AGAP1: variants seen among roughly 807,000 people sequenced by gnomAD.
AGAP1 encodes the protein ArfGAP with GTPase domain, ankyrin repeat and PH domain 1, also known as arf-GAP with GTPase, ANK repeat and PH domain-containing protein 1.
Under a neutral mutation model 105.3 loss-of-function variants are expected in AGAP1, and 29 were observed. The observed-to-expected ratio is 0.28, with a 90% CI of 0.21 to 0.38. The LOEUF (loss-of-function observed/expected upper bound fraction) is 0.38, where lower values mean the gene tolerates loss of function less well. AGAP1 is among the 10% of genes least tolerant of loss of function. The pLI, the probability that AGAP1 is intolerant of heterozygous loss-of-function variation, is 1.00. For missense variants in AGAP1, 998 were observed against 1,165.1 expected, an observed-to-expected ratio of 0.86 and a Z score of 2.09; for synonymous variants, 509 against 485.9, an observed-to-expected ratio of 1.05 and a Z score of -0.63.
chr2:235,572,175 T>G (rs1220513429), intron 1 of AGAP1, among the ~76,000 whole-genome samples: 1 of 151,706 alleles, frequency 6.6e-6, no homozygotes, highest in Non-Finnish European at 1.5e-5. Context: ...TGTTACCAGG[T>G]GGCATTACTG....
intron 6 of AGAP1, among the ~76,000 whole-genome samples, chr2:235,773,636 T>G (rs964729511): frequency 6.6e-6 from 1 of 152,202 alleles, no homozygotes; most frequent in African/African-American, 2.4e-5. Flanking sequence ...TCTGTTCTAC[T>G]ACCTCACTAT....
chr2:235,629,266 CA>C (rs1326159445), intron 1 of AGAP1, among the ~76,000 whole-genome samples: 44 of 133,616 alleles, frequency 3.3e-4, no homozygotes, highest in African/African-American at 1.2e-3. Context: ...GAGTAGTAGT[CA>C]TTGTGTGTGT....
At position 235,864,864 on chromosome 2, in the gene AGAP1, T is replaced by C. The variant is rs2049084525; in HGVS notation, c.1051-18481T>C. Reference sequence around the variant, plus strand: ...GCTTTTTTTCTGCCCATATTCAAAATTCCTTTGATTAGCATTTGGTTCTGG... The same window carrying C: ...GCTTTTTTTCTGCCCATATTCAAAACTCCTTTGATTAGCATTTGGTTCTGG... On this transcript the variant is annotated intron_variant, in intron 9 of 17. Transcript: ENST00000304032. The surrounding 1 kb of genome is among the most constrained non-coding windows in gnomAD (Gnocchi z 5.0). Among the ~76,000 whole-genome samples, 2 of 152,244 alleles carry C rather than the reference T, an allele frequency of 1.3e-5. No homozygotes were observed. The highest frequency in any genetic ancestry group is 2.9e-5 in the Non-Finnish European group (2 of 68,048).
rs1391650226 is a variant in AGAP1 at position 236,109,726 on chromosome 2, G to C, written c.2115-10466G>C. ...TGGATCCGAGCATCCCAGGGTAGCA[G>C]CTGCCAACCACATACTTATGTAAAG... On this transcript the variant is annotated intron_variant, in intron 16 of 17. Coordinates refer to ENST00000304032, the MANE Select transcript of AGAP1 (RefSeq NM_001037131.3). This position sits in a 1 kb window ranked among gnomAD's most constrained non-coding sequence, Gnocchi z 5.4. Among the ~76,000 whole-genome samples, 1 of 152,224 alleles carries C rather than the reference G, an allele frequency of 6.6e-6. No individual in the cohort carries two copies. The highest frequency in any genetic ancestry group is 1.5e-5 in the Non-Finnish European group (1 of 68,038).
In AGAP1 at chr2:236,121,130, GA is replaced by G. The variant is rs1360651511; in HGVS notation, c.2370+685del. Among the ~76,000 whole-genome samples the G allele has an allele frequency of 6.6e-6, 1 of 152,176 alleles. No homozygotes were observed. The highest frequency in any genetic ancestry group is 6.5e-5 in the Admixed American group (1 of 15,288). On this transcript the variant is annotated intron_variant, in intron 17 of 17. Coordinates refer to ENST00000304032, the MANE Select transcript of AGAP1 (RefSeq NM_001037131.3). The surrounding 1 kb of genome is among the most constrained non-coding windows in gnomAD (Gnocchi z 4.9). ...CCGGCAGGGAGGCTCCCCAGATAGG[GA>G]AGGCAAGTGTGTGCCCAGAAGTGGA...
rs2052628195 is a variant in AGAP1 at position 235,929,681 on chromosome 2, G to A, written c.1325-1084G>A. Among the ~76,000 whole-genome samples the A allele has an allele frequency of 2.0e-5, 3 of 152,044 alleles. No individual in the cohort carries two copies. The South Asian group carries it at 6.2e-4, about 32-fold the overall frequency. On this transcript the variant is annotated intron_variant, in intron 11 of 17. Coordinates refer to ENST00000304032, the MANE Select transcript of AGAP1 (RefSeq NM_001037131.3). ...GAGGGGAGACCTGGTTCCTGCCTCTGGCTTCTCATCCATATCACCGGAGTG... is the reference window on the plus strand; with the variant it reads ...GAGGGGAGACCTGGTTCCTGCCTCTAGCTTCTCATCCATATCACCGGAGTG...
intron 11 of AGAP1, among the ~76,000 whole-genome samples, chr2:235,928,990 G>T (rs1368408279): frequency 6.6e-6 from 1 of 152,340 alleles, no homozygotes; most frequent in Admixed American, 6.5e-5. Flanking sequence ...AAATGACGCT[G>T]TGTGTTTCTA....
chr2:235,600,479 T>C lies in AGAP1; in HGVS notation c.163+105630T>C, dbSNP rs1367327081. 1.3e-5 allele frequency among the ~76,000 whole-genome samples: 2 copies of C among 152,058 alleles called. No individual in the cohort carries two copies. The highest frequency in any genetic ancestry group is 2.9e-5 in the Non-Finnish European group (2 of 68,018). ...CACCATCCCCGCTGGATTAGGGTTC[T>C]CTAGAGGGATGGAACCAATAGGCCA... is the stretch of plus-strand genomic sequence containing the variant. On this transcript the variant is annotated intron_variant, in intron 1 of 17. Coordinates refer to ENST00000304032, the MANE Select transcript of AGAP1 (RefSeq NM_001037131.3). The surrounding 1 kb of genome is among the most constrained non-coding windows in gnomAD (Gnocchi z 4.8).
chr2:235,794,082 CCTG>C (rs1957127204), intron 6 of AGAP1, among the ~76,000 whole-genome samples: 1 of 152,176 alleles, frequency 6.6e-6, no homozygotes, highest in South Asian at 2.1e-4. Flanking sequence ...GTCCCAGGCA[CCTG>C]CCTGCTCTGC....
At chr2:235,997,151 G>A (rs567211828) in intron 13 of AGAP1, among the ~76,000 whole-genome samples, 4 of 152,234 alleles carry the variant, frequency 2.6e-5, no homozygotes, top group African/African-American at 7.2e-5. Flanking sequence ...GTGCCACGGC[G>A]CAATCTCGGC....
intron 9 of AGAP1, among the ~76,000 whole-genome samples, chr2:235,833,676 A>T (rs927494859): frequency 4.6e-5 from 7 of 152,144 alleles, no homozygotes; most frequent in African/African-American, 1.7e-4. Context: ...GAATGAATGA[A>T]TGGAACAATA....
At position 235,799,624 on chromosome 2, in the gene AGAP1, A is replaced by C; in HGVS notation, c.957+102A>C. On this transcript the variant is annotated intron_variant, in intron 8 of 17. Transcript: ENST00000304032. This position sits in a 1 kb window ranked among gnomAD's most constrained non-coding sequence, Gnocchi z 5.0. ...GTTCAGTGGTATTTGTAGAATCTCA[A>C]CTATATTAAAGTGAATAACATTGAT... 1 of 1,315,250 alleles carries C rather than the reference A, an allele frequency of 7.6e-7. No homozygotes were observed. Among genetic ancestry groups the C allele is most frequent in the Non-Finnish European group, 1.0e-6 (1 of 954,094 alleles). The allele number at this position is 1,315,250 out of a possible 1,614,324, so 81.5% of individuals were successfully genotyped here. A position where few individuals can be genotyped will look rare whatever the true frequency, so the allele number is the denominator to read the frequency against.
At chr2:235,519,218 G>T (rs1417128021) in intron 1 of AGAP1, among the ~76,000 whole-genome samples, 1 of 151,934 alleles carries the variant, frequency 6.6e-6, no homozygotes, top group African/African-American at 2.4e-5. Context: ...GACTACAGGC[G>T]CACACCACCA....
chr2:235,694,033 CA>C (rs1366803408), intron 1 of AGAP1, among the ~76,000 whole-genome samples: 1 of 152,150 alleles, frequency 6.6e-6, no homozygotes, highest in Non-Finnish European at 1.5e-5. Flanking sequence ...TCTAGTGATT[CA>C]AAGCATGAGG....
At chr2:235,497,598 ACTT>A (rs1354211450) in intron 1 of AGAP1, among the ~76,000 whole-genome samples, 10 of 152,004 alleles carry the variant, frequency 6.6e-5, no homozygotes, top group African/African-American at 2.2e-4. Flanking sequence ...TGATGTGGGC[ACTT>A]CTTTTTTTGT....
In AGAP1 at chr2:235,701,675, T is replaced by C. The variant is rs1357176482; in HGVS notation, c.164-7504T>C. 1.3e-5 allele frequency among the ~76,000 whole-genome samples: 2 copies of C among 152,234 alleles called. No homozygotes were observed. Among genetic ancestry groups the C allele is most frequent in the Non-Finnish European group, 2.9e-5 (2 of 68,034 alleles). ...AATCCTACCATTGAAACTGTGCTGG[T>C]GAACTTCTGCTAAGTCCTACATTTG... On this transcript the variant is annotated intron_variant, in intron 1 of 17. Transcript: ENST00000304032. The surrounding 1 kb of genome is among the most constrained non-coding windows in gnomAD (Gnocchi z 4.1).
rs112674228 is a variant in AGAP1 at position 236,065,910 on chromosome 2, G to A, written c.2114+16629G>A. Among the ~76,000 whole-genome samples, 930 of 152,348 alleles carry A rather than the reference G, an allele frequency of 6.1e-3. 7 individuals carry two copies. Among genetic ancestry groups the A allele is most frequent in the African/African-American group, 0.021 (892 of 41,590 alleles). ...ATCATTAAACGTGACAAGTCACTGT[G>A]CTTGTCCCCAGCTGTTGTGCTGAGA... On this transcript the variant is annotated intron_variant, in intron 16 of 17. Transcript: ENST00000304032.
At chr2:235,504,431 T>G (rs10929135) in intron 1 of AGAP1, among the ~76,000 whole-genome samples, 1 of 53,106 alleles carries the variant, frequency 1.9e-5, no homozygotes, top group South Asian at 7.2e-4. Context: ...CTGTCAGTGT[T>G]TGAGTGGCTG....
rs564175726 is a variant in AGAP1, at chr2:235,994,934, G to A, written c.1645+26311G>A. On this transcript the variant is annotated intron_variant, in intron 13 of 17. Coordinates refer to ENST00000304032, the MANE Select transcript of AGAP1 (RefSeq NM_001037131.3). This position sits in a 1 kb window ranked among gnomAD's most constrained non-coding sequence, Gnocchi z 4.4. The stretch of plus-strand genomic sequence containing the variant: ...ACAAAAACATTAGCCAAGCGTGGTG[G>A]TAGGCGCCTGTAATCGCAGCTACTT... 2.6e-5 allele frequency among the ~76,000 whole-genome samples: 4 copies of A among 150,992 alleles called. No homozygotes were observed. The highest frequency in any genetic ancestry group is 7.3e-5 in the African/African-American group (3 of 41,190).
Sources: allele counts gnomAD v4.1 joint callset (sites outside exome capture counted in the v4.1 genomes callset), GRCh38; gene constraint gnomAD v4.1.1; non-coding constraint Gnocchi (gnomAD v3.1); transcripts MANE v1.5; gene names NCBI Gene and HGNC (gene_info 2026-07-23, HGNC 2026-07-21).